The following ADAMTS6 variants were observed in gnomAD, a reference collection of about 807,000 sequenced individuals.
ADAMTS6 encodes ADAM metallopeptidase with thrombospondin type 1 motif 6, also known as A disintegrin and metalloproteinase with thrombospondin motifs 6.
Under a neutral mutation model 144.3 loss-of-function variants are expected in ADAMTS6, and 23 were observed. The observed-to-expected ratio is 0.16, with a 90% CI of 0.11 to 0.23. ADAMTS6 has a LOEUF of 0.23. ADAMTS6 is among the 10% of genes least tolerant of loss of function. ADAMTS6 has a pLI of 1.00. For missense variants in ADAMTS6, 999 were observed against 1,379.6 expected (o/e 0.72, Z 4.37); for synonymous variants, 444 against 457.5 (o/e 0.97, Z 0.38).
intron 7 of ADAMTS6, among the ~76,000 whole-genome samples, chr5:65,343,424 C>T (rs940323710): frequency 6.6e-6 from 1 of 151,862 alleles, no homozygotes; most frequent in Non-Finnish European, 1.5e-5. Context: ...GACAAAGGTG[C>T]CAAGAACACT....
At chr5:65,445,780 A>T (rs1758231991) in intron 7 of ADAMTS6, among the ~76,000 whole-genome samples, 1 of 152,210 alleles carries the variant, frequency 6.6e-6, no homozygotes, top group Non-Finnish European at 1.5e-5. Context: ...GATAAAAGGA[A>T]AGGAAACTGA....
chr5:65,254,272 C>T lies in ADAMTS6; in HGVS notation c.1830+6328G>A, dbSNP rs531930587. 3.6e-4 allele frequency among the ~76,000 whole-genome samples: 54 copies of T among 152,108 alleles called. 1 individual carries two copies. Among genetic ancestry groups the T allele is most frequent in the South Asian group, 3.5e-3 (17 of 4,810 alleles). On this transcript the variant is annotated intron_variant, in intron 14 of 24. Coordinates refer to ENST00000381055, the MANE Select transcript of ADAMTS6 (RefSeq NM_197941.4). ...GACGCTTCTGCTCTAATATGACACA[C>T]GCATTCATGAAAAATCTCTTTCCGC...
At chr5:65,226,022 G>T in intron 16 of ADAMTS6, 64 bp downstream of exon 16, 1 of 1,511,246 alleles carries the variant, frequency 6.6e-7, no homozygotes, top group Non-Finnish European at 8.9e-7. Context: ...TATTAAATAG[G>T]AGTTAATGAG....
At chr5:65,297,423 A>C (rs1742945550) in intron 10 of ADAMTS6, among the ~76,000 whole-genome samples, 1 of 152,150 alleles carries the variant, frequency 6.6e-6, no homozygotes, top group Non-Finnish European at 1.5e-5. Flanking sequence ...ATCCACCATC[A>C]TCTTTGGCCT....
intron 24 of ADAMTS6, among the ~76,000 whole-genome samples, chr5:65,170,100 TC>T (rs1332411505): frequency 1.3e-5 from 2 of 152,214 alleles, no homozygotes; most frequent in Non-Finnish European, 2.9e-5. Flanking sequence ...AAGAACTTTG[TC>T]CACCTTTATA....
chr5:65,454,972 T>C (rs750619355), intron 4 of ADAMTS6, among the ~76,000 whole-genome samples: 1 of 152,228 alleles, frequency 6.6e-6, no homozygotes, highest in African/African-American at 2.4e-5. Flanking sequence ...TATTGGCTAA[T>C]ATTGTTACAA....
At chr5:65,170,872 T>A in intron 23 of ADAMTS6, 99 bp from the exon 24 acceptor site, 2 of 1,247,490 alleles carry the variant, frequency 1.6e-6, no homozygotes, top group Non-Finnish European at 2.2e-6. Context: ...AATATGAACT[T>A]TTTTTTTTTT....
chr5:65,179,987 C>T (rs1457003225), intron 22 of ADAMTS6, among the ~76,000 whole-genome samples: 1 of 151,822 alleles, frequency 6.6e-6, no homozygotes, highest in Non-Finnish European at 1.5e-5. Context: ...CACACATCCC[C>T]CAGGAGCCAG....
At chr5:65,253,260 A>G (rs1038992987) in intron 14 of ADAMTS6, among the ~76,000 whole-genome samples, 4 of 152,200 alleles carry the variant, frequency 2.6e-5, no homozygotes, top group African/African-American at 9.7e-5. Context: ...AGTCTCAAAG[A>G]TTCATGGCAA....
chr5:65,307,477 A>G (rs1744042140), intron 9 of ADAMTS6, among the ~76,000 whole-genome samples: 1 of 152,226 alleles, frequency 6.6e-6, no homozygotes, highest in East Asian at 1.9e-4. Context: ...CCTAATCAAC[A>G]GTCTCTTATA....
chr5:65,205,117 G>T (rs1561277945), intron 20 of ADAMTS6, among the ~76,000 whole-genome samples: 1 of 142,166 alleles, frequency 7.0e-6, no homozygotes, highest in East Asian at 2.0e-4. Flanking sequence ...TTTGAATCTT[G>T]AAAAAAAAAA....
chr5:65,225,468 A>C (rs965937189), intron 16 of ADAMTS6, among the ~76,000 whole-genome samples: 1 of 152,212 alleles, frequency 6.6e-6, no homozygotes, highest in Non-Finnish European at 1.5e-5. Flanking sequence ...CAAGTAAAAA[A>C]ATTTATGAAA....
chr5:65,420,908 A>T (rs1363462143), intron 7 of ADAMTS6, among the ~76,000 whole-genome samples: 1 of 152,212 alleles, frequency 6.6e-6, no homozygotes, highest in Non-Finnish European at 1.5e-5. Context: ...TAGGCCATTT[A>T]AAGAAAAAAA....
intron 2 of ADAMTS6, among the ~76,000 whole-genome samples, chr5:65,471,479 A>G (rs1028878642): frequency 7.2e-5 from 11 of 152,192 alleles, no homozygotes; most frequent in Non-Finnish European, 1.5e-4. Context: ...TATGTAAAAG[A>G]AAAGAGTTTA....
intron 7 of ADAMTS6, among the ~76,000 whole-genome samples, chr5:65,346,911 C>T (rs1748375481): frequency 6.7e-6 from 1 of 150,048 alleles, no homozygotes; most frequent in Admixed American, 6.6e-5. Flanking sequence ...CAATGAACTA[C>T]CCAAAAAAGA....
At chr5:65,191,880 T>C (rs1359058553) in intron 21 of ADAMTS6, among the ~76,000 whole-genome samples, 1 of 152,098 alleles carries the variant, frequency 6.6e-6, no homozygotes, top group Non-Finnish European at 1.5e-5. Flanking sequence ...ATTAGATGTA[T>C]CAAAGTGCCA....
intron 15 of ADAMTS6, among the ~76,000 whole-genome samples, chr5:65,236,567 A>AT (rs1339013343): frequency 1.3e-5 from 2 of 152,164 alleles, no homozygotes; most frequent in African/African-American, 2.4e-5. Context: ...GATTACAGGC[A>AT]TGAGCCACCA....
In ADAMTS6 at chr5:65,396,409, C is replaced by T. The variant is rs1377282571; in HGVS notation, c.1073+55066G>A. On this transcript the variant is annotated intron_variant, in intron 7 of 24. Transcript: ENST00000381055. ...CTTGATTATGCGATAAGAAAGAAAA[C>T]AACACTACTCTCTGATTGAAACAGA... Among the ~76,000 whole-genome samples the T allele has an allele frequency of 2.0e-5, 3 of 152,122 alleles. No homozygotes were observed. The East Asian group carries it at 5.8e-4, about 29-fold the overall frequency.
At chr5:65,263,045 G>C in intron 12 of ADAMTS6, 83 bp from the exon 13 acceptor site, 1 of 1,553,246 alleles carries the variant, frequency 6.4e-7, no homozygotes, top group Non-Finnish European at 8.8e-7. Context: ...GTCAGGTACT[G>C]ACCAACTATA....
Sources: gnomAD v4.1 joint callset for allele counts (sites outside exome capture counted in the v4.1 genomes callset) on GRCh38, gnomAD v4.1.1 for gene constraint, MANE v1.5 for transcripts, NCBI Gene and HGNC (gene_info 2026-07-23, HGNC 2026-07-21) for gene names.